The following TENM4 variants were observed in gnomAD, a reference collection of about 807,000 sequenced individuals.
The protein encoded by TENM4 is teneurin transmembrane protein 4, also known as teneurin-4.
A neutral mutation model predicts 243.3 loss-of-function variants in TENM4; 82 were observed. That is an observed-to-expected ratio of 0.34 (90% confidence interval 0.28 to 0.40). The LOEUF (loss-of-function observed/expected upper bound fraction) is 0.40. Ranked by LOEUF, TENM4 falls within the 10% of genes least tolerant of loss-of-function variation. The pLI is 1.00. For missense variants in TENM4, 3,138 were observed against 3,673.3 expected (o/e 0.85, Z 3.77); for synonymous variants, 1,412 against 1,456.3 (o/e 0.97, Z 0.69).
chr11:78,773,472 C>T (rs1034990966), intron 17 of TENM4, among the ~76,000 whole-genome samples: 1 of 152,106 alleles, frequency 6.6e-6, no homozygotes, highest in Non-Finnish European at 1.5e-5. Context: ...CTATTTTGGG[C>T]AGAGGGCATA....
At chr11:79,342,284 T>C (rs1344839943) in intron 1 of TENM4, among the ~76,000 whole-genome samples, 1 of 152,158 alleles carries the variant, frequency 6.6e-6, no homozygotes, top group Admixed American at 6.5e-5. Flanking sequence ...AAGGTAGGTG[T>C]GACTGCATGG....
intron 15 of TENM4, among the ~76,000 whole-genome samples, chr11:78,791,544 G>T (rs2136050164): frequency 6.6e-6 from 1 of 152,238 alleles, no homozygotes; most frequent in South Asian, 2.1e-4. Flanking sequence ...TGATTTCTTG[G>T]GTGCTCCCTG....
chr11:79,127,180 G>C (rs1861897083), intron 4 of TENM4, among the ~76,000 whole-genome samples: 1 of 152,164 alleles, frequency 6.6e-6, no homozygotes, highest in Non-Finnish European at 1.5e-5. Flanking sequence ...TATTATGGTA[G>C]GAAAGGCCAA....
At chr11:79,129,740 G>A (rs1188638615) in intron 4 of TENM4, among the ~76,000 whole-genome samples, 2 of 152,096 alleles carry the variant, frequency 1.3e-5, no homozygotes, top group African/African-American at 4.8e-5. Flanking sequence ...ACCCACCCAA[G>A]GAGAGTCTGA....
intron 3 of TENM4, among the ~76,000 whole-genome samples, chr11:79,201,790 T>C (rs950953979): frequency 2.0e-5 from 3 of 152,156 alleles, no homozygotes; most frequent in African/African-American, 7.2e-5. Context: ...CTGTAGGGTT[T>C]TCAGGTAAAG....
chr11:78,889,155 G>T (rs1288124420), intron 9 of TENM4, among the ~76,000 whole-genome samples: 2 of 152,172 alleles, frequency 1.3e-5, no homozygotes, highest in African/African-American at 4.8e-5. Context: ...GCACTGCTCC[G>T]TGTCTGTGCG....
intron 25 of TENM4, among the ~76,000 whole-genome samples, chr11:78,716,719 G>T (rs1221845839): frequency 6.6e-6 from 1 of 152,206 alleles, no homozygotes; most frequent in Non-Finnish European, 1.5e-5. Flanking sequence ...AGCCAGATTT[G>T]GGAACCATGG....
chr11:78,707,173 TAAA>T (rs1005525654), intron 27 of TENM4, among the ~76,000 whole-genome samples: 3 of 152,202 alleles, frequency 2.0e-5, no homozygotes, highest in Non-Finnish European at 2.9e-5. Flanking sequence ...TGAAGGGGTT[TAAA>T]AAGCTAAATG....
intron 6 of TENM4, among the ~76,000 whole-genome samples, chr11:79,037,278 A>G (rs1203576609): frequency 6.6e-6 from 1 of 152,150 alleles, no homozygotes; most frequent in Non-Finnish European, 1.5e-5. Context: ...CCTCAACTAC[A>G]TGGCAAGTTT....
chr11:78,701,505 T>C, intron 28 of TENM4, 21 bp downstream of exon 28: 1 of 1,539,914 alleles, frequency 6.5e-7, no homozygotes, highest in Non-Finnish European at 8.8e-7. Context: ...AATCATCAAA[T>C]GGCCTTGTTT....
At chr11:79,018,271 G>A (rs1317993940) in intron 6 of TENM4, among the ~76,000 whole-genome samples, 1 of 152,132 alleles carries the variant, frequency 6.6e-6, no homozygotes, top group African/African-American at 2.4e-5. Context: ...CATTCATTCT[G>A]AGCCATGTCC....
At chr11:79,292,300 A>T (rs1856370423) in intron 2 of TENM4, among the ~76,000 whole-genome samples, 1 of 152,088 alleles carries the variant, frequency 6.6e-6, no homozygotes, top group African/African-American at 2.4e-5. Context: ...GCTGTAGTGG[A>T]CTTGCCAAAC....
In TENM4 at chr11:79,350,356, A is replaced by G. The variant is rs375917664; in HGVS notation, c.-320-52813T>C. ...CAAATTCCAGCAACCTCTACTGCTAACACCTTAGTCCGTGCTGTCATCATC... is the reference window on the plus strand; with the variant it reads ...CAAATTCCAGCAACCTCTACTGCTAGCACCTTAGTCCGTGCTGTCATCATC... On this transcript the variant is annotated intron_variant, in intron 1 of 33. Coordinates refer to ENST00000278550, the MANE Select transcript of TENM4 (RefSeq NM_001098816.3). Among the ~76,000 whole-genome samples, 8 of 151,968 alleles carry G rather than the reference A, an allele frequency of 5.3e-5. No homozygotes were observed. In the East Asian group the frequency reaches 9.7e-4, roughly 18 times the overall value.
rs747018297 is a variant in TENM4, at chr11:78,654,804, G to GT, written c.*3253dup. The GT allele has an allele frequency of 3.3e-5, 5 of 151,688 alleles. No individual in the cohort carries two copies. The highest frequency in any genetic ancestry group is 2.1e-4 in the South Asian group (1 of 4,784). The allele number at this position is 151,688 out of a possible 1,614,324, so 9.4% of individuals were successfully genotyped here. On this transcript the variant is annotated 3_prime_UTR_variant, in exon 34 of 34. Transcript: ENST00000278550. ...CCCTCCAGCAATGTCTGTTTGGGGT[G>GT]TGGGGGGGTGGGATAAAAAGGAAAT...
intron 1 of TENM4, among the ~76,000 whole-genome samples, chr11:79,305,745 G>T (rs1033676184): frequency 2.0e-5 from 3 of 152,210 alleles, no homozygotes; most frequent in African/African-American, 7.2e-5. Context: ...AATCAGTCTG[G>T]CTGCATTCGA....
At chr11:79,343,148 G>T (rs1158920863) in intron 1 of TENM4, among the ~76,000 whole-genome samples, 2 of 152,180 alleles carry the variant, frequency 1.3e-5, no homozygotes, top group Non-Finnish European at 2.9e-5. Flanking sequence ...TGGGAATGAG[G>T]AGCTTCCTCC....
At chr11:78,699,821 G>A (rs1439537251) in intron 28 of TENM4, among the ~76,000 whole-genome samples, 1 of 152,214 alleles carries the variant, frequency 6.6e-6, no homozygotes, top group East Asian at 1.9e-4. Flanking sequence ...TTTGGGATCT[G>A]AGGGAGTGAC....
intron 6 of TENM4, among the ~76,000 whole-genome samples, chr11:79,036,089 G>A (rs1213021889): frequency 2.6e-5 from 4 of 152,142 alleles, no homozygotes; most frequent in Non-Finnish European, 4.4e-5. Context: ...ATCGCTGCTC[G>A]ACTTCAGGAT....
intron 1 of TENM4, among the ~76,000 whole-genome samples, chr11:79,299,077 C>G (rs1481249775): frequency 6.6e-6 from 1 of 151,908 alleles, no homozygotes; most frequent in Non-Finnish European, 1.5e-5. Context: ...CACACACACA[C>G]ACACACACAT....
Sources: allele counts gnomAD v4.1 joint callset (sites outside exome capture counted in the v4.1 genomes callset), GRCh38; gene constraint gnomAD v4.1.1; transcripts MANE v1.5; gene names NCBI Gene and HGNC (gene_info 2026-07-23, HGNC 2026-07-21).